MITF: variants seen among roughly 807,000 people sequenced by gnomAD.
MITF encodes the protein melanocyte inducing transcription factor, also known as microphthalmia-associated transcription factor.
MITF carries 17 observed loss-of-function variants against 60.5 expected under a neutral mutation model. The ratio of observed to expected loss-of-function variants is 0.28; its 90% CI spans 0.19 to 0.42. MITF has a LOEUF of 0.42. MITF is among the 10% of genes least tolerant of loss of function. MITF has a pLI of 1.00. For synonymous variants in MITF, 260 were observed against 248.5 expected, an observed-to-expected ratio of 1.05 and a Z score of -0.43; for missense variants, 622 against 683.5, an observed-to-expected ratio of 0.91 and a Z score of 1.00.
chr3:69,762,497 C>T (rs2062226880), intron 1 of MITF, among the ~76,000 whole-genome samples: 1 of 152,192 alleles, frequency 6.6e-6, no homozygotes, highest in Non-Finnish European at 1.5e-5. Context: ...ATATTATCGA[C>T]AGGGACTCCT....
In MITF at chr3:69,912,928, G is replaced by A. The variant is rs141853490; in HGVS notation, c.355-24894G>A. On this transcript the variant is annotated intron_variant, in intron 2 of 9. Transcript: ENST00000352241. ...TGCATTACTTACCATAGTGAAAATTGAGAACAATAGAAATGCCTTTGAATC... is the reference window on the plus strand; with the variant it reads ...TGCATTACTTACCATAGTGAAAATTAAGAACAATAGAAATGCCTTTGAATC... 1.7e-3 allele frequency among the ~76,000 whole-genome samples: 266 copies of A among 152,240 alleles called. 2 individuals are homozygous for A. The Middle Eastern group carries it at 0.02, about 12-fold the overall frequency.
intron 1 of MITF, among the ~76,000 whole-genome samples, chr3:69,826,152 A>G (rs2063351057): frequency 6.6e-6 from 1 of 152,164 alleles, no homozygotes; most frequent in African/African-American, 2.4e-5. Context: ...CCTCAGGTAA[A>G]CTAATTGAAC....
chr3:69,928,239 G>T (rs1193685951), intron 2 of MITF, among the ~76,000 whole-genome samples: 1 of 152,210 alleles, frequency 6.6e-6, no homozygotes, highest in East Asian at 1.9e-4. Flanking sequence ...AGCCATTGCT[G>T]CATGGGCAAC....
At chr3:69,866,210 C>T (rs1452197784) in intron 1 of MITF, 2 of 1,599,136 alleles carry the variant, frequency 1.3e-6, no homozygotes, top group East Asian at 2.2e-5. Context: ...GGAGCCACCC[C>T]TAGTGACACA....
intron 7 of MITF, among the ~76,000 whole-genome samples, chr3:69,955,785 G>A (rs2066382588): frequency 6.6e-6 from 1 of 152,086 alleles, no homozygotes. Flanking sequence ...CCGCACTCCA[G>A]CCTGGGTGAC....
chr3:69,806,560 A>T (rs1378915659), intron 1 of MITF, among the ~76,000 whole-genome samples: 1 of 152,120 alleles, frequency 6.6e-6, no homozygotes, highest in Admixed American at 6.5e-5. Context: ...TAATCATAAG[A>T]TTTATGGATC....
intron 1 of MITF, among the ~76,000 whole-genome samples, chr3:69,769,143 T>G (rs2062351543): frequency 6.6e-6 from 1 of 152,196 alleles, no homozygotes; most frequent in Admixed American, 6.5e-5. Context: ...TTTGTTGTAC[T>G]ACTGTATGAC....
At chr3:69,957,413 G>A (rs1349846639) in intron 8 of MITF, among the ~76,000 whole-genome samples, 1 of 152,194 alleles carries the variant, frequency 6.6e-6, no homozygotes, top group Non-Finnish European at 1.5e-5. Context: ...GTTACTGTTA[G>A]AGGATTTGTA....
intron 1 of MITF, among the ~76,000 whole-genome samples, chr3:69,746,943 GTGGC>G (rs1245471727): frequency 1.3e-5 from 2 of 152,206 alleles, no homozygotes; most frequent in Non-Finnish European, 2.9e-5. Context: ...TTTCTACAAT[GTGGC>G]TTTCTTATTT....
At chr3:69,871,408 A>T (rs779579570) in intron 1 of MITF, among the ~76,000 whole-genome samples, 4 of 152,126 alleles carry the variant, frequency 2.6e-5, no homozygotes, top group African/African-American at 7.2e-5. Flanking sequence ...CAACACCATA[A>T]CCTCATGAAC....
intron 1 of MITF, among the ~76,000 whole-genome samples, chr3:69,811,905 G>T (rs1336372936): frequency 1.3e-5 from 2 of 152,162 alleles, no homozygotes; most frequent in Non-Finnish European, 2.9e-5. Context: ...AGACGGACAG[G>T]AGAGCTTTGT....
chr3:69,860,545 C>T (rs576401174), intron 1 of MITF, among the ~76,000 whole-genome samples: 1 of 133,690 alleles, frequency 7.5e-6, no homozygotes, highest in East Asian at 2.3e-4. Flanking sequence ...TTGCAGTGAG[C>T]GGAGATCGCG....
intron 2 of MITF, among the ~76,000 whole-genome samples, chr3:69,897,419 G>A (rs1434499199): frequency 6.6e-6 from 1 of 152,194 alleles, no homozygotes; most frequent in Non-Finnish European, 1.5e-5. Flanking sequence ...TTACAGAGAA[G>A]AAAAACTGAA....
At chr3:69,805,307 A>G (rs1258712811) in intron 1 of MITF, among the ~76,000 whole-genome samples, 1 of 152,200 alleles carries the variant, frequency 6.6e-6, no homozygotes, top group African/African-American at 2.4e-5. Context: ...TTTATCTAAA[A>G]TTTTAATGGT....
intron 1 of MITF, among the ~76,000 whole-genome samples, chr3:69,861,630 G>C (rs569823431): frequency 6.6e-6 from 1 of 152,336 alleles, no homozygotes; most frequent in Admixed American, 6.5e-5. Flanking sequence ...TGGCATGTGA[G>C]TGTGAGTCTT....
chr3:69,934,997 T>C (rs1371310158), intron 2 of MITF, among the ~76,000 whole-genome samples: 1 of 152,160 alleles, frequency 6.6e-6, no homozygotes, highest in Admixed American at 6.5e-5. Flanking sequence ...GGACTCATAT[T>C]CCCACATGGC....
intron 7 of MITF, among the ~76,000 whole-genome samples, chr3:69,952,355 A>T (rs1000515309): frequency 2.7e-5 from 4 of 147,568 alleles, no homozygotes; most frequent in African/African-American, 1.0e-4. Flanking sequence ...TTCGTGACTT[A>T]AAAAAAATAG....
chr3:69,826,712 G>T (rs2107076049), intron 1 of MITF, among the ~76,000 whole-genome samples: 1 of 152,210 alleles, frequency 6.6e-6, no homozygotes, highest in Non-Finnish European at 1.5e-5. Flanking sequence ...GGAAATAATG[G>T]AATAAAATGA....
intron 1 of MITF, among the ~76,000 whole-genome samples, chr3:69,843,087 T>A: frequency 6.6e-6 from 1 of 152,106 alleles, no homozygotes; most frequent in Non-Finnish European, 1.5e-5. Context: ...TCGCTCCAGG[T>A]CCTTGCCAGG....
Sources: gnomAD v4.1 joint callset for allele counts (sites outside exome capture counted in the v4.1 genomes callset) on GRCh38, gnomAD v4.1.1 for gene constraint, MANE v1.5 for transcripts, NCBI Gene and HGNC (gene_info 2026-07-23, HGNC 2026-07-21) for gene names.